Variants in RIN2 observed in about 807,000 individuals in gnomAD.
RIN2 encodes the protein RAB5 interacting protein 2.
RIN2 carries 36 observed loss-of-function variants against 78.0 expected under a neutral mutation model. The observed-to-expected ratio is 0.46, with a 90% confidence interval of 0.35 to 0.61. The LOEUF (loss-of-function observed/expected upper bound fraction) is 0.61, where lower values mean the gene tolerates loss of function less well. Ranked by LOEUF, RIN2 falls within the 20% of genes least tolerant of loss-of-function variation. The probability of loss-of-function intolerance (pLI) is 0.00; values close to 1 mark genes in which losing one functional copy is unlikely to be tolerated. For synonymous variants in RIN2, 466 were observed against 466.8 expected, an observed-to-expected ratio of 1.00 and a Z score of 0.02; for missense variants, 1,087 against 1,159.7, an observed-to-expected ratio of 0.94 and a Z score of 0.91.
intron 2 of RIN2, among the ~76,000 whole-genome samples, chr20:19,851,040 AGG>A (rs2036955273): frequency 3.2e-5 from 3 of 93,396 alleles, no homozygotes; most frequent in Non-Finnish European, 7.1e-5. Flanking sequence ...GAAGGAAGGA[AGG>A]AAGGAAGGAG....
chr20:19,758,142 A>C (rs956081565), upstream of RIN2: 1 of 152,268 alleles, frequency 6.6e-6, no homozygotes, highest in Admixed American at 6.5e-5. Flanking sequence ...CGAGGCAAAC[A>C]CAAAGCCCTT....
chr20:19,954,788 G>C (rs2041469586), intron 4 of RIN2, among the ~76,000 whole-genome samples: 2 of 152,052 alleles, frequency 1.3e-5, no homozygotes, highest in Admixed American at 1.3e-4. Flanking sequence ...ATAAATACCA[G>C]AGCATGTGTA....
intron 4 of RIN2, among the ~76,000 whole-genome samples, chr20:19,954,582 C>T (rs2041455661): frequency 6.6e-6 from 1 of 152,182 alleles, no homozygotes; most frequent in Admixed American, 6.5e-5. Context: ...TCCTGGTCCT[C>T]TCTGTAAAAC....
chr20:19,988,740 C>T (rs749514765), intron 9 of RIN2, among the ~76,000 whole-genome samples: 35 of 152,146 alleles, frequency 2.3e-4, no homozygotes, highest in Non-Finnish European at 4.1e-4. Context: ...TTTCCTAACT[C>T]GGAACAGAAA....
chr20:19,879,251 C>A (rs541356101), intron 2 of RIN2, among the ~76,000 whole-genome samples: 1 of 152,346 alleles, frequency 6.6e-6, no homozygotes, highest in South Asian at 2.1e-4. Context: ...CAACAGATAT[C>A]TCTGAGAGCA....
intron 1 of RIN2, among the ~76,000 whole-genome samples, chr20:19,758,791 G>A: frequency 6.6e-6 from 1 of 152,224 alleles, no homozygotes; most frequent in East Asian, 1.9e-4. Flanking sequence ...CTGAGCGCGC[G>A]GGTCAGACCC....
At chr20:19,887,203 T>C (rs1304153960) in intron 2 of RIN2, among the ~76,000 whole-genome samples, 1 of 151,778 alleles carries the variant, frequency 6.6e-6, no homozygotes. Context: ...TTTTAATTTT[T>C]TTTAGAGACA....
chr20:19,866,592 A>C (rs909695056), intron 2 of RIN2, among the ~76,000 whole-genome samples: 2 of 152,138 alleles, frequency 1.3e-5, no homozygotes, highest in Non-Finnish European at 2.9e-5. Flanking sequence ...ATTAACGTGA[A>C]ATTGTGTTTC....
At chr20:19,856,402 A>G (rs1406385372) in intron 2 of RIN2, among the ~76,000 whole-genome samples, 5 of 152,022 alleles carry the variant, frequency 3.3e-5, no homozygotes, top group African/African-American at 1.2e-4. Flanking sequence ...GCATGGTGAC[A>G]TTTGCCTGTA....
In RIN2 at chr20:20,000,883, G is replaced by T. The variant is rs200150633; in HGVS notation, c.2635G>T (p.Asp879Tyr). 6.2e-7 allele frequency: 1 copy of T among 1,613,814 alleles called. No individual in the cohort carries two copies. The highest frequency in any genetic ancestry group is 8.5e-7 in the Non-Finnish European group (1 of 1,179,790). The change falls in exon 13 of 13, where the codon GAT (aspartate) becomes TAT (tyrosine). Residue 879 changes from aspartate to tyrosine, a missense_variant. By Grantham distance (160) the Asp-to-Tyr change is radical. Around this residue, in one of 8 missense-constraint regions of RIN2, gnomAD observed 160 missense variants for 179.4 expected, o/e 0.89. Coordinates refer to ENST00000255006, the MANE Select transcript of RIN2 (RefSeq NM_018993.4). ...CTTTGTCTACAAACGCATCAAGAAC[G>T]ATCCTTATGGCATCATTTTCCAGAA... is the stretch of plus-strand genomic sequence containing the variant. The part of the protein sequence containing the change: ...FHFVYKRIKN[D>Y]PYGIIFQNGE...
chr20:19,778,655 G>A (rs559381065), intron 1 of RIN2, among the ~76,000 whole-genome samples: 9 of 152,190 alleles, frequency 5.9e-5, no homozygotes, highest in Non-Finnish European at 1.2e-4. Flanking sequence ...TGGAGCAGAC[G>A]CTGGGTAGGG....
At chr20:19,929,746 C>T (rs371716344) in intron 3 of RIN2, among the ~76,000 whole-genome samples, 1 of 152,018 alleles carries the variant, frequency 6.6e-6, no homozygotes, top group Admixed American at 6.6e-5. Flanking sequence ...TTATTTCTGC[C>T]CTCAAAGAAG....
intron 5 of RIN2, among the ~76,000 whole-genome samples, chr20:19,958,522 A>C (rs1214374922): frequency 1.3e-5 from 2 of 152,258 alleles, no homozygotes. Flanking sequence ...GAGATTGGGC[A>C]GGTTGAGGGC....
chr20:19,975,233 C>T lies in RIN2; in HGVS notation c.1208C>T (p.Ala403Val). ...AGCCCAGGTGGGGCCCCGCCTGAGG[C>T]CGCCCCGGGGGATTGCACAAGGGCC... is the stretch of plus-strand genomic sequence containing the variant. ...AGSPGGAPPE[A>V]APGDCTRAPP... The change falls in exon 9 of 13, where the codon GCC becomes GTC. Residue 403 changes from alanine to valine, a missense_variant. Around this residue, in one of 8 missense-constraint regions of RIN2, gnomAD observed 706 missense variants for 667.5 expected, o/e 1.06. Transcript: ENST00000255006. The surrounding 1 kb of genome is among the most constrained non-coding windows in gnomAD (Gnocchi z 4.9). 1 of 1,583,178 alleles carries T rather than the reference C, an allele frequency of 6.3e-7. No individual in the cohort carries two copies. Among genetic ancestry groups the T allele is most frequent in the East Asian group, 2.3e-5 (1 of 43,260 alleles).
intron 7 of RIN2, among the ~76,000 whole-genome samples, chr20:19,965,311 G>T (rs947644084): frequency 6.6e-6 from 1 of 152,060 alleles, no homozygotes; most frequent in Non-Finnish European, 1.5e-5. Context: ...GGCCCATCAA[G>T]CAGGAAACAC....
intron 1 of RIN2, among the ~76,000 whole-genome samples, chr20:19,761,686 C>T (rs1182792292): frequency 2.6e-5 from 4 of 152,202 alleles, no homozygotes; most frequent in Non-Finnish European, 5.9e-5. Flanking sequence ...ACTAGAAAAG[C>T]ATAATAATCC....
At chr20:19,888,126 A>G (rs763472195) in intron 2 of RIN2, among the ~76,000 whole-genome samples, 15 of 152,200 alleles carry the variant, frequency 9.9e-5, no homozygotes, top group Admixed American at 1.3e-4. Context: ...GCAGGATCAC[A>G]AGTGGAAAGA....
chr20:19,956,910 A>G, intron 5 of RIN2, 103 bp downstream of exon 5: 4 of 978,686 alleles, frequency 4.1e-6, no homozygotes, highest in Non-Finnish European at 5.9e-6. Context: ...CCTAGCTTGT[A>G]AGGAGCATGT....
intron 2 of RIN2, among the ~76,000 whole-genome samples, chr20:19,813,034 C>A (rs139772961): frequency 6.2e-4 from 95 of 152,330 alleles, no homozygotes; most frequent in African/African-American, 2.2e-3. Flanking sequence ...TTGAGGGGAG[C>A]TATTCATTCA....
Sources: allele counts gnomAD v4.1 joint callset (sites outside exome capture counted in the v4.1 genomes callset), GRCh38; gene constraint gnomAD v4.1.1; regional missense constraint gnomAD v4.1.1; non-coding constraint Gnocchi (gnomAD v3.1); transcripts MANE v1.5; gene names NCBI Gene and HGNC (gene_info 2026-07-23, HGNC 2026-07-21).